Variants in ITPR1 observed in about 807,000 individuals in gnomAD.
ITPR1 encodes inositol 1,4,5-trisphosphate-gated calcium channel ITPR1.
Under a neutral mutation model 318.4 loss-of-function variants are expected in ITPR1, and 96 were observed. That is an observed-to-expected ratio of 0.30 (90% CI 0.26 to 0.36). The LOEUF is 0.36. Ranked by LOEUF, ITPR1 falls within the 10% of genes least tolerant of loss-of-function variation. The pLI is 1.00. For synonymous variants in ITPR1, 1,312 were observed against 1,289.9 expected (o/e 1.02, Z -0.37); for missense variants, 2,440 against 3,460.2 (o/e 0.71, Z 7.40).
chr3:4,588,233 G>C (rs1463364986), intron 4 of ITPR1, among the ~76,000 whole-genome samples: 2 of 152,080 alleles, frequency 1.3e-5, no homozygotes, highest in Non-Finnish European at 2.9e-5. Flanking sequence ...TGCTGCAAAG[G>C]CTTGTTCCTT....
chr3:4,695,097 T>C (rs942873936), intron 33 of ITPR1, among the ~76,000 whole-genome samples: 9 of 152,348 alleles, frequency 5.9e-5, no homozygotes, highest in Non-Finnish European at 1.2e-4. Context: ...AAAATGCCAT[T>C]GTATAGATGT....
At chr3:4,556,814 TA>T (rs1219705183) in intron 4 of ITPR1, among the ~76,000 whole-genome samples, 15 of 152,176 alleles carry the variant, frequency 9.9e-5, no homozygotes, top group Non-Finnish European at 2.2e-4. Flanking sequence ...TTTTTCAGCT[TA>T]TTTGAGTAAA....
At chr3:4,713,427 G>A (rs1416625439) in intron 39 of ITPR1, among the ~76,000 whole-genome samples, 1 of 152,174 alleles carries the variant, frequency 6.6e-6, no homozygotes, top group Admixed American at 6.5e-5. Context: ...GATTATACAT[G>A]CAGTTCCCTG....
chr3:4,661,481 T>G (rs1055937920), intron 14 of ITPR1, among the ~76,000 whole-genome samples: 2 of 152,220 alleles, frequency 1.3e-5, no homozygotes, highest in African/African-American at 4.8e-5. Flanking sequence ...ATATACACTT[T>G]TATTTCATGA....
At chr3:4,621,269 T>A (rs1321953955) in intron 4 of ITPR1, among the ~76,000 whole-genome samples, 2 of 152,026 alleles carry the variant, frequency 1.3e-5, no homozygotes, top group African/African-American at 2.4e-5. Context: ...CTCAGGAAAC[T>A]TACAGTCATG....
chr3:4,703,557 G>C (rs1051612587), intron 36 of ITPR1, among the ~76,000 whole-genome samples: 5 of 152,158 alleles, frequency 3.3e-5, no homozygotes, highest in Admixed American at 6.5e-5. Context: ...TGTGCAAAGA[G>C]GTAAGCTTCC....
chr3:4,799,785 G>A (rs2048107482), intron 53 of ITPR1: 5 of 152,370 alleles, frequency 3.3e-5, no homozygotes, highest in African/African-American at 1.2e-4. Flanking sequence ...TTTGACTGCA[G>A]GGATAATCTA....
At position 4,681,567 on chromosome 3, in the gene ITPR1, G is replaced by C. The variant is rs893989879; in HGVS notation, c.3161+149G>C. Reference sequence around the variant, plus strand: ...TGGAACTGTTAGTACTCAAGTCAGAGTTAACTTGGTTGGCTTGATTGGGAG... The same window carrying C: ...TGGAACTGTTAGTACTCAAGTCAGACTTAACTTGGTTGGCTTGATTGGGAG... On this transcript the variant is annotated intron_variant, in intron 26 of 61. Transcript: ENST00000649015. The C allele has an allele frequency of 6.3e-6, 4 of 631,706 alleles. No homozygotes were observed. In the African/African-American group the frequency reaches 7.4e-5, roughly 12 times the overall value. The allele number at this position is 631,706 out of a possible 1,614,324, so 39.1% of individuals were successfully genotyped here. A position where few individuals can be genotyped will look rare whatever the true frequency, so the allele number is the denominator to read the frequency against.
intron 33 of ITPR1, among the ~76,000 whole-genome samples, chr3:4,695,892 C>T (rs539489810): frequency 1.3e-5 from 2 of 152,158 alleles, no homozygotes; most frequent in Admixed American, 1.3e-4. Context: ...TGTACACTTC[C>T]GTCCAGGGTG....
At chr3:4,839,098 A>AG (rs1267489126) in intron 61 of ITPR1, among the ~76,000 whole-genome samples, 9 of 152,190 alleles carry the variant, frequency 5.9e-5, no homozygotes, top group Non-Finnish European at 1.0e-4. Context: ...GAGGACAAGG[A>AG]GGGTGGATCA....
intron 44 of ITPR1, among the ~76,000 whole-genome samples, chr3:4,752,549 C>T (rs2044619260): frequency 1.3e-5 from 2 of 152,214 alleles, no homozygotes; most frequent in Non-Finnish European, 1.5e-5. Flanking sequence ...TTTGAGCTTT[C>T]ACATGCAGGC....
chr3:4,516,583 G>C lies in ITPR1; in HGVS notation c.92G>C (p.Gly31Ala), dbSNP rs2124917200. ...ACAAATGGATTTATTAGCACCTTGG[G>C]GTAAGAGCATGCAATTTCTTGTGTG... is the stretch of plus-strand genomic sequence containing the variant. Reference protein sequence around the residue: ...GSTNGFISTLGLVDDRCVVQP... With the variant: ...GSTNGFISTLALVDDRCVVQP... Residue 31 changes from glycine to alanine, a missense_variant and splice_region_variant, in exon 3 of 62, where the codon GGC (glycine) becomes GCC (alanine). Gly to Ala is a moderately conservative substitution (Grantham distance 60, BLOSUM62 0). Coordinates refer to ENST00000649015, the MANE Select transcript of ITPR1 (RefSeq NM_001378452.1). 1 of 1,583,348 alleles carries C rather than the reference G, an allele frequency of 6.3e-7. No individual in the cohort carries two copies. The highest frequency in any genetic ancestry group is 1.7e-4 in the Middle Eastern group (1 of 6,014).
At chr3:4,495,801 G>A (rs2080512138) in intron 2 of ITPR1, among the ~76,000 whole-genome samples, 1 of 152,142 alleles carries the variant, frequency 6.6e-6, no homozygotes, top group Non-Finnish European at 1.5e-5. Flanking sequence ...CAGGCGGTGA[G>A]GCTGTACTGC....
chr3:4,748,532 G>C (rs2044269793), intron 44 of ITPR1, among the ~76,000 whole-genome samples: 1 of 152,076 alleles, frequency 6.6e-6, no homozygotes, highest in Non-Finnish European at 1.5e-5. Context: ...TGTTAGAGGA[G>C]AGCTTGTCCC....
At chr3:4,815,636 TA>T (rs2049244697) in intron 59 of ITPR1, among the ~76,000 whole-genome samples, 1 of 152,064 alleles carries the variant, frequency 6.6e-6, no homozygotes, top group South Asian at 2.1e-4. Flanking sequence ...AACGGCTACG[TA>T]AAAGAGGTGC....
chr3:4,647,473 G>A (rs928134906), intron 10 of ITPR1, among the ~76,000 whole-genome samples: 2 of 152,156 alleles, frequency 1.3e-5, no homozygotes, highest in Non-Finnish European at 2.9e-5. Flanking sequence ...GTATGGCATG[G>A]TATGGTATGG....
At chr3:4,822,227 C>G (rs368760508) in intron 60 of ITPR1, among the ~76,000 whole-genome samples, 1 of 152,130 alleles carries the variant, frequency 6.6e-6, no homozygotes, top group African/African-American at 2.4e-5. Flanking sequence ...AGGGAGCAGG[C>G]GAAAGAGCAA....
Position 4,782,762 on chromosome 3 carries a change from C to G in ITPR1, c.6510+21C>G, listed in dbSNP as rs375849320. 4.2e-5 allele frequency: 60 copies of G among 1,440,798 alleles called. No homozygotes were observed. In the African/African-American group the frequency reaches 8.1e-4, roughly 19 times the overall value. The allele number at this position is 1,440,798 out of a possible 1,614,324, so 89.3% of individuals were successfully genotyped here. A position where few individuals can be genotyped will look rare whatever the true frequency, so the allele number is the denominator to read the frequency against. On this transcript the variant is annotated intron_variant, in intron 50 of 61. Transcript: ENST00000649015. ...ATCAGGTATGATCTCTCCTGTGCCT[C>G]CTCTGGATGCTGCCTCCCTACAGGT...
intron 44 of ITPR1, among the ~76,000 whole-genome samples, chr3:4,738,528 G>T (rs2043448934): frequency 6.6e-6 from 1 of 152,210 alleles, no homozygotes; most frequent in African/African-American, 2.4e-5. Flanking sequence ...GGATGACCAG[G>T]TGCACAAAGG....
Sources: allele counts gnomAD v4.1 joint callset (sites outside exome capture counted in the v4.1 genomes callset), GRCh38; gene constraint gnomAD v4.1.1; transcripts MANE v1.5; gene names NCBI Gene and HGNC (gene_info 2026-07-23, HGNC 2026-07-21).